CARS2: variants seen among roughly 807,000 people sequenced by gnomAD.
CARS2 encodes probable cysteine--tRNA ligase, mitochondrial.
A neutral mutation model predicts 68.8 loss-of-function variants in CARS2; 52 were observed. The ratio of observed to expected loss-of-function variants is 0.76; its 90% confidence interval spans 0.61 to 0.95. The LOEUF (loss-of-function observed/expected upper bound fraction) is 0.95. CARS2 is among the 40% of genes least tolerant of loss of function. The probability of loss-of-function intolerance (pLI) is 0.00; values close to 1 mark genes in which losing one functional copy is unlikely to be tolerated. For missense variants in CARS2, 780 were observed against 754.2 expected, an observed-to-expected ratio of 1.03 and a Z score of -0.40; for synonymous variants, 314 against 303.6, an observed-to-expected ratio of 1.03 and a Z score of -0.36.
intron 9 of CARS2, chr13:110,663,129 A>C: frequency 1.9e-6 from 1 of 517,050 alleles, no homozygotes; most frequent in East Asian, 5.1e-5. Context: ...GCGGGAAGGA[A>C]GTCAGCAGAT....
At position 110,667,392 on chromosome 13, in the gene CARS2, C is replaced by T. The variant is rs1446340847; in HGVS notation, c.867G>A (p.Gln289=). The change falls in exon 8 of 15, where the codon CAG becomes CAA. Residue 289 remains glutamine (Q), a synonymous_variant. Transcript: ENST00000257347. ...AFPHHENEIA[Q]CEVFHQCEQW... ...GCTCGCACTGATGAAAGACTTCGCA[C>T]TGTGCAATTTCGTTTTCATGATGTG... is the stretch of plus-strand genomic sequence containing the variant. 6.2e-7 allele frequency: 1 copy of T among 1,613,762 alleles called. No individual in the cohort carries two copies. Among genetic ancestry groups the T allele is most frequent in the African/African-American group, 1.3e-5 (1 of 74,936 alleles).
At chr13:110,667,305 G>A (rs546342130) in intron 8 of CARS2, 35 bp downstream of exon 8, 1 of 1,580,778 alleles carries the variant, frequency 6.3e-7, no homozygotes, top group South Asian at 1.2e-5. Flanking sequence ...TGCTAGAATT[G>A]AAACAGAACA....
chr13:110,652,825 G>C (rs1194493108), intron 9 of CARS2, among the ~76,000 whole-genome samples: 1 of 152,154 alleles, frequency 6.6e-6, no homozygotes, highest in Non-Finnish European at 1.5e-5. Context: ...CTGTGAACTG[G>C]GATGGTTCAA....
chr13:110,660,090 G>C (rs2062463973), intron 9 of CARS2, among the ~76,000 whole-genome samples: 1 of 152,196 alleles, frequency 6.6e-6, no homozygotes, highest in Non-Finnish European at 1.5e-5. Context: ...TCTTCACCAG[G>C]AGTAGATTCC....
In CARS2 at chr13:110,701,581, T is replaced by C. The variant is rs760898630; in HGVS notation, c.276-26A>G. Reference sequence around the variant, plus strand: ...CTGAAAGAAAAAAAGTGTCAGGATGTCTTTATTACACAAAGTCATCAGTTA... The same window carrying C: ...CTGAAAGAAAAAAAGTGTCAGGATGCCTTTATTACACAAAGTCATCAGTTA... On this transcript the variant is annotated intron_variant, in intron 2 of 14. Coordinates refer to ENST00000257347, the MANE Select transcript of CARS2 (RefSeq NM_024537.4). The C allele has an allele frequency of 3.9e-5, 38 of 977,776 alleles. 1 individual carries two copies. The highest frequency in any genetic ancestry group is 3.7e-4 in the South Asian group (29 of 77,510). The allele number at this position is 977,776 out of a possible 1,614,324, so 60.6% of individuals were successfully genotyped here.
intron 13 of CARS2, 167 bp from the exon 14 acceptor site, chr13:110,642,688 G>C (rs546257922): frequency 3.8e-6 from 3 of 779,762 alleles, no homozygotes; most frequent in Non-Finnish European, 7.0e-6. Context: ...TACAGCCCGC[G>C]AGCGCTGGGC....
At position 110,653,567 on chromosome 13, in the gene CARS2, G is replaced by A. The variant is rs929073242; in HGVS notation, c.988-2467C>T. ...TTTCACCTGGCTTTCTCTCAAAGGG[G>A]TTTTCCTCTCAGAATGTAAACGCAT... On this transcript the variant is annotated intron_variant, in intron 9 of 14. Transcript: ENST00000257347. The surrounding 1 kb of genome is among the most constrained non-coding windows in gnomAD (Gnocchi z 5.6). 7.9e-5 allele frequency among the ~76,000 whole-genome samples: 12 copies of A among 152,146 alleles called. No homozygotes were observed. The highest frequency in any genetic ancestry group is 2.9e-4 in the African/African-American group (12 of 41,398).
Position 110,676,474 on chromosome 13 carries a change from G to T in CARS2, c.785+500C>A, listed in dbSNP as rs375198580. Among the ~76,000 whole-genome samples the T allele has an allele frequency of 1.3e-5, 2 of 152,270 alleles. No individual in the cohort carries two copies. The highest frequency in any genetic ancestry group is 4.1e-4 in the South Asian group (2 of 4,828). ...CGGTCCCAGGCAGACAGTGGGAAGAGGAGCTTTGGTGACAGAGGACCCACA... is the reference window on the plus strand; with the variant it reads ...CGGTCCCAGGCAGACAGTGGGAAGATGAGCTTTGGTGACAGAGGACCCACA... On this transcript the variant is annotated intron_variant, in intron 7 of 14. Coordinates refer to ENST00000257347, the MANE Select transcript of CARS2 (RefSeq NM_024537.4). This position sits in a 1 kb window ranked among gnomAD's most constrained non-coding sequence, Gnocchi z 4.0.
chr13:110,666,179 G>A, intron 8 of CARS2: 7 of 985,380 alleles, frequency 7.1e-6, no homozygotes, highest in Non-Finnish European at 8.4e-6. Context: ...CCTGAGGGGC[G>A]ATGCCTTAAA....
At chr13:110,655,789 C>T (rs548593741) in intron 9 of CARS2, among the ~76,000 whole-genome samples, 2 of 152,288 alleles carry the variant, frequency 1.3e-5, no homozygotes, top group East Asian at 1.9e-4. Context: ...AGGGAAGAGG[C>T]GGCATGCATA....
At chr13:110,697,634 C>T (rs1445720736) in intron 3 of CARS2, among the ~76,000 whole-genome samples, 7 of 152,162 alleles carry the variant, frequency 4.6e-5, no homozygotes, top group Non-Finnish European at 7.3e-5. Context: ...GTAGAGACAG[C>T]GTTTTGCCAT....
chr13:110,699,379 G>A (rs559063725), intron 3 of CARS2, among the ~76,000 whole-genome samples: 4 of 152,172 alleles, frequency 2.6e-5, no homozygotes, highest in Non-Finnish European at 5.9e-5. Context: ...CATGGACGCC[G>A]GTGACAGGTG....
At chr13:110,662,334 C>T (rs1032391739) in intron 9 of CARS2, among the ~76,000 whole-genome samples, 3 of 103,000 alleles carry the variant, frequency 2.9e-5, no homozygotes, top group African/African-American at 4.4e-5. Flanking sequence ...CCCCCTTCTG[C>T]GTCATGCAAC....
chr13:110,662,246 C>T (rs1594278261), intron 9 of CARS2, among the ~76,000 whole-genome samples: 1 of 149,056 alleles, frequency 6.7e-6, no homozygotes, highest in East Asian at 2.0e-4. Context: ...CGGGTTCGGA[C>T]CTCTCTCTGC....
At chr13:110,698,906 G>A in intron 3 of CARS2, among the ~76,000 whole-genome samples, 1 of 152,144 alleles carries the variant, frequency 6.6e-6, no homozygotes, top group East Asian at 1.9e-4. Context: ...CAGCTACCAG[G>A]AGGGCTGAGG....
intron 11 of CARS2, chr13:110,646,661 C>G (rs1888158133): frequency 6.0e-6 from 1 of 167,894 alleles, no homozygotes; most frequent in Non-Finnish European, 1.3e-5. Flanking sequence ...TGGCTCCTCA[C>G]AGTCAGGACT....
intron 13 of CARS2, chr13:110,643,776 T>G: frequency 5.2e-6 from 1 of 194,012 alleles, no homozygotes; most frequent in South Asian, 8.4e-5. Context: ...CTCAAATCTG[T>G]ATTGATAGAA....
chr13:110,642,174 T>C (rs1004768045), intron 14 of CARS2, 141 bp downstream of exon 14: 7 of 692,750 alleles, frequency 1.0e-5, no homozygotes, highest in African/African-American at 1.8e-5. Context: ...GCCATTGCAC[T>C]CCAGCCTGGG....
chr13:110,699,557 G>A (rs962210509), intron 3 of CARS2, among the ~76,000 whole-genome samples: 3 of 152,210 alleles, frequency 2.0e-5, no homozygotes, highest in African/African-American at 7.2e-5. Context: ...TCAGGAAAAG[G>A]AAATAGCCAG....
Sources: gnomAD v4.1 joint callset for allele counts (sites outside exome capture counted in the v4.1 genomes callset) on GRCh38, gnomAD v4.1.1 for gene constraint, Gnocchi (gnomAD v3.1) non-coding constraint, MANE v1.5 for transcripts, NCBI Gene and HGNC (gene_info 2026-07-23, HGNC 2026-07-21) for gene names.